The following ZNF804B variants were observed in gnomAD, a reference collection of about 807,000 sequenced individuals.
ZNF804B encodes the protein zinc finger protein 804B.
Under a neutral mutation model 101.4 loss-of-function variants are expected in ZNF804B, and 80 were observed. That is an observed-to-expected ratio of 0.79 (90% CI 0.66 to 0.95). ZNF804B has a LOEUF of 0.95. Ranked by LOEUF, ZNF804B falls within the 40% of genes least tolerant of loss-of-function variation. The pLI is 0.00. For missense variants in ZNF804B, 1,673 were observed against 1,561.9 expected (o/e 1.07, Z -1.20); for synonymous variants, 622 against 558.8 (o/e 1.11, Z -1.59).
chr7:89,205,966 A>G (rs947612767), intron 1 of ZNF804B, among the ~76,000 whole-genome samples: 2 of 152,224 alleles, frequency 1.3e-5, no homozygotes, highest in African/African-American at 4.8e-5. Flanking sequence ...ACATCCTCTG[A>G]AATCTAGGCG....
intron 1 of ZNF804B, among the ~76,000 whole-genome samples, chr7:88,890,844 A>G (rs1253982315): frequency 6.6e-6 from 1 of 152,074 alleles, no homozygotes; most frequent in Non-Finnish European, 1.5e-5. Flanking sequence ...CTTATTCATA[A>G]CACATTTATA....
chr7:88,843,825 T>C (rs913260334), intron 1 of ZNF804B, among the ~76,000 whole-genome samples: 58 of 152,190 alleles, frequency 3.8e-4, no homozygotes, highest in African/African-American at 1.3e-3. Flanking sequence ...ATGGCAATTG[T>C]AATATTTTAA....
intron 1 of ZNF804B, among the ~76,000 whole-genome samples, chr7:88,796,823 A>G (rs956500809): frequency 1.3e-5 from 2 of 152,024 alleles, no homozygotes; most frequent in Non-Finnish European, 2.9e-5. Flanking sequence ...TTGAAATTGG[A>G]AATTGATCAT....
intron 1 of ZNF804B, among the ~76,000 whole-genome samples, chr7:89,011,112 A>G (rs1158454623): frequency 1.3e-5 from 2 of 152,118 alleles, no homozygotes; most frequent in Admixed American, 1.3e-4. Flanking sequence ...ACCTCTTCAC[A>G]TGGTGGCAGG....
At chr7:88,765,357 T>G (rs2115616206) in intron 1 of ZNF804B, among the ~76,000 whole-genome samples, 1 of 152,262 alleles carries the variant, frequency 6.6e-6, no homozygotes, top group East Asian at 1.9e-4. Context: ...AACTTAACTA[T>G]TTGTGACTTA....
chr7:89,029,267 C>G (rs1279224798), intron 1 of ZNF804B, among the ~76,000 whole-genome samples: 1 of 152,070 alleles, frequency 6.6e-6, no homozygotes. Context: ...TCACACCCAG[C>G]TAATTTTTAT....
At chr7:88,850,779 A>G (rs1722644550) in intron 1 of ZNF804B, among the ~76,000 whole-genome samples, 1 of 152,122 alleles carries the variant, frequency 6.6e-6, no homozygotes, top group Non-Finnish European at 1.5e-5. Flanking sequence ...CCAAGCATAC[A>G]AAAAAGCAAG....
At chr7:89,238,303 T>G (rs1789314642) in intron 2 of ZNF804B, among the ~76,000 whole-genome samples, 1 of 152,118 alleles carries the variant, frequency 6.6e-6, no homozygotes, top group Admixed American at 6.5e-5. Context: ...ATCCCTAAAT[T>G]TATGAAACTA....
intron 1 of ZNF804B, among the ~76,000 whole-genome samples, chr7:89,129,305 A>G (rs1790512975): frequency 6.6e-6 from 1 of 152,080 alleles, no homozygotes; most frequent in African/African-American, 2.4e-5. Flanking sequence ...AGATGAGAAT[A>G]ATATATCATC....
At chr7:89,259,043 T>C (rs1037087618) in intron 2 of ZNF804B, among the ~76,000 whole-genome samples, 2 of 152,164 alleles carry the variant, frequency 1.3e-5, no homozygotes, top group African/African-American at 4.8e-5. Flanking sequence ...TCTCCAAAAT[T>C]TGCCCATATC....
intron 1 of ZNF804B, among the ~76,000 whole-genome samples, chr7:88,893,312 G>T (rs1297103465): frequency 1.3e-5 from 2 of 151,786 alleles, no homozygotes; most frequent in Non-Finnish European, 2.9e-5. Context: ...CCATTTTTGG[G>T]ACATACTTAT....
At chr7:89,155,993 T>G (rs1790955117) in intron 1 of ZNF804B, among the ~76,000 whole-genome samples, 1 of 92,298 alleles carries the variant, frequency 1.1e-5, no homozygotes, top group African/African-American at 3.3e-5. Flanking sequence ...CTTCCTTTCC[T>G]TCTTTCTTTC....
At chr7:89,246,066 G>T (rs1789440969) in intron 2 of ZNF804B, among the ~76,000 whole-genome samples, 1 of 152,188 alleles carries the variant, frequency 6.6e-6, no homozygotes, top group Admixed American at 6.5e-5. Flanking sequence ...CACAAAGTCA[G>T]CCATTTTGTG....
intron 1 of ZNF804B, among the ~76,000 whole-genome samples, chr7:89,013,196 T>A (rs1000491253): frequency 6.6e-6 from 1 of 152,170 alleles, no homozygotes. Context: ...CATATCAAGT[T>A]ATTTCAATAT....
intron 1 of ZNF804B, among the ~76,000 whole-genome samples, chr7:89,034,636 T>C (rs1788895940): frequency 6.6e-6 from 1 of 152,200 alleles, no homozygotes. Flanking sequence ...ACATTTTCTT[T>C]ATCCAGTCTA....
intron 1 of ZNF804B, among the ~76,000 whole-genome samples, chr7:89,059,664 T>C (rs1034442036): frequency 3.3e-5 from 5 of 152,158 alleles, no homozygotes; most frequent in South Asian, 2.1e-4. Flanking sequence ...TTATTGTTTT[T>C]ATTTGGAAAT....
intron 1 of ZNF804B, among the ~76,000 whole-genome samples, chr7:88,995,085 G>A (rs186616466): frequency 2.0e-5 from 3 of 152,160 alleles, no homozygotes. Context: ...GATTTTCAGA[G>A]GTCCTTGCAT....
At chr7:89,200,407 A>G (rs1011606292) in intron 1 of ZNF804B, among the ~76,000 whole-genome samples, 2 of 151,928 alleles carry the variant, frequency 1.3e-5, no homozygotes, top group Admixed American at 1.3e-4. Context: ...GGTTTGTAGA[A>G]TCTCCAGCTG....
intron 1 of ZNF804B, among the ~76,000 whole-genome samples, chr7:88,990,021 AAAAG>A (rs1230108774): frequency 6.6e-6 from 1 of 152,074 alleles, no homozygotes; most frequent in Non-Finnish European, 1.5e-5. Flanking sequence ...CAGAAAAACA[AAAAG>A]AATATAAATC....
Sources: allele counts gnomAD v4.1 joint callset (sites outside exome capture counted in the v4.1 genomes callset), GRCh38; gene constraint gnomAD v4.1.1; transcripts MANE v1.5; gene names NCBI Gene and HGNC (gene_info 2026-07-23, HGNC 2026-07-21).